COL4A6: variants seen among roughly 807,000 people sequenced by gnomAD.
COL4A6 encodes the protein collagen type IV alpha 6 chain.
COL4A6 carries 59 observed loss-of-function variants against 126.7 expected under a neutral mutation model. The ratio of observed to expected loss-of-function variants is 0.47; its 90% confidence interval spans 0.38 to 0.58. COL4A6 has a LOEUF of 0.58. Ranked by LOEUF, COL4A6 falls within the 20% of genes least tolerant of loss-of-function variation. COL4A6 has a pLI of 0.00. For synonymous variants in COL4A6, 547 were observed against 496.6 expected (o/e 1.10, Z -1.35); for missense variants, 1,285 against 1,337.3 (o/e 0.96, Z 0.61).
At chrX:108,343,177 T>TA (rs2039624765) in intron 2 of COL4A6, among the ~76,000 whole-genome samples, 2 of 97,312 alleles carry the variant, frequency 2.1e-5, no homozygotes, top group African/African-American at 7.7e-5. Flanking sequence ...TGTGTGTGTG[T>TA]GTGTGTGTGT....
At chrX:108,365,725 C>G (rs1355362999) in intron 2 of COL4A6, among the ~76,000 whole-genome samples, 2 of 111,872 alleles carry the variant, frequency 1.8e-5, no homozygotes, top group African/African-American at 6.5e-5. Context: ...AATGCAGAAG[C>G]TGATTCAGTA....
At position 108,346,778 on chromosome X, in the gene COL4A6, A is replaced by G. The variant is rs766948965; in HGVS notation, c.64-35950T>C. Among the ~76,000 whole-genome samples the G allele has an allele frequency of 5.3e-5, 6 of 112,661 alleles. No homozygotes were observed. In the South Asian group the frequency reaches 2.2e-3, roughly 42 times the overall value. ...AAACATTTAAATAAGTGTGAGCTAT[A>G]CATACATTTAAGAAAAGTTAATAAG... On this transcript the variant is annotated intron_variant, in intron 2 of 44. Coordinates refer to ENST00000334504, the MANE Select transcript of COL4A6 (RefSeq NM_033641.4).
intron 2 of COL4A6, among the ~76,000 whole-genome samples, chrX:108,349,113 T>C (rs2039782138): frequency 8.9e-6 from 1 of 111,802 alleles, no homozygotes. Flanking sequence ...AGAGAGCTGA[T>C]TGTTAAATTT....
At chrX:108,237,865 TC>T (rs2148310212) in intron 3 of COL4A6, among the ~76,000 whole-genome samples, 1 of 29,530 alleles carries the variant, frequency 3.4e-5, no homozygotes, top group South Asian at 1.2e-3. Flanking sequence ...CTATCATCTA[TC>T]TATCTATCTA....
At chrX:108,425,627 G>A (rs964609685) in intron 2 of COL4A6, among the ~76,000 whole-genome samples, 1 of 108,413 alleles carries the variant, frequency 9.2e-6, no homozygotes, top group Non-Finnish European at 1.9e-5. Flanking sequence ...CCAGCTACTC[G>A]GGAGGCTGAG....
chrX:108,321,622 C>T (rs949992337), intron 2 of COL4A6, among the ~76,000 whole-genome samples: 1 of 111,004 alleles, frequency 9.0e-6, no homozygotes, highest in Non-Finnish European at 1.9e-5. Flanking sequence ...TCCTGAGTTT[C>T]AGACAGTTGG....
chrX:108,419,263 T>C (rs780319404), intron 2 of COL4A6, among the ~76,000 whole-genome samples: 7 of 112,028 alleles, frequency 6.2e-5, no homozygotes, highest in Admixed American at 9.5e-5. Context: ...CCTGCAATAA[T>C]ACAATATATA....
rs759314157 is a variant in COL4A6, at chrX:108,164,829, C to T, written c.3970+48G>A. On this transcript the variant is annotated intron_variant, in intron 39 of 44. Coordinates refer to ENST00000334504, the MANE Select transcript of COL4A6 (RefSeq NM_033641.4). ...CTTCACAGGACTGCAGGAAGGAGTC[C>T]TGGCCGTGGAGTGGGGAAGGGCCCA... 2.5e-6 allele frequency: 3 copies of T among 1,187,094 alleles called. No homozygotes were observed. In the Admixed American group the frequency reaches 6.7e-5, roughly 27 times the overall value.
chrX:108,251,784 G>A (rs2036855817), intron 3 of COL4A6, among the ~76,000 whole-genome samples: 1 of 111,615 alleles, frequency 9.0e-6, no homozygotes, highest in African/African-American at 3.3e-5. Context: ...ATTCTACAGT[G>A]TATGGTTATG....
chrX:108,188,522 C>A lies in COL4A6; in HGVS notation c.1582G>T (p.Ala528Ser). 9.0e-7 allele frequency: 1 copy of A among 1,109,650 alleles called. No individual in the cohort carries two copies. The highest frequency in any genetic ancestry group is 1.9e-5 in the African/African-American group (1 of 53,341). The allele number at this position is 1,109,650 out of a possible 1,213,427, so 91.4% of individuals were successfully genotyped here. ...CAAAGTTTGGCAAGACTTACTGGAGCCCCTGCTGGGCCCTGTGCACCCCCA... is the reference window on the plus strand; with the variant it reads ...CAAAGTTTGGCAAGACTTACTGGAGACCCTGCTGGGCCCTGTGCACCCCCA... ...GSGGAQGPAGAPGLVGPLGPS... is the reference protein window; with the variant it reads ...GSGGAQGPAGSPGLVGPLGPS... Residue 528 changes from alanine (A) to serine (S), a missense_variant, in exon 21 of 45, where the codon GCT (alanine) becomes TCT (serine). Coordinates refer to ENST00000334504, the MANE Select transcript of COL4A6 (RefSeq NM_033641.4).
chrX:108,389,133 C>T (rs182856116), intron 2 of COL4A6, among the ~76,000 whole-genome samples: 1 of 111,693 alleles, frequency 9.0e-6, no homozygotes, highest in East Asian at 2.8e-4. Context: ...GTTTTACTTC[C>T]AATTATGTAG....
chrX:108,291,438 T>C (rs149342068), intron 3 of COL4A6, among the ~76,000 whole-genome samples: 1 of 112,498 alleles, frequency 8.9e-6, no homozygotes, highest in Non-Finnish European at 1.9e-5. Context: ...GTATTAAACA[T>C]TCTTCCAAGA....
At chrX:108,350,867 G>A (rs1027552810) in intron 2 of COL4A6, among the ~76,000 whole-genome samples, 2 of 111,301 alleles carry the variant, frequency 1.8e-5, no homozygotes, top group Admixed American at 9.6e-5. Flanking sequence ...GGGACAATGC[G>A]GGAAGGTGAT....
intron 3 of COL4A6, among the ~76,000 whole-genome samples, chrX:108,263,379 A>G (rs1315712377): frequency 3.6e-5 from 4 of 111,917 alleles, no homozygotes; most frequent in Non-Finnish European, 7.5e-5. Flanking sequence ...TTAGGGTTGA[A>G]AACTTTTGTC....
intron 40 of COL4A6, chrX:108,163,697 C>T (rs1207985922): frequency 1.8e-5 from 2 of 112,425 alleles, no homozygotes; most frequent in East Asian, 2.8e-4. Flanking sequence ...AAAGGACTAA[C>T]ACAGGGACAC....
chrX:108,358,724 C>G (rs1454320897), intron 2 of COL4A6, among the ~76,000 whole-genome samples: 1 of 112,009 alleles, frequency 8.9e-6, no homozygotes, highest in African/African-American at 3.2e-5. Context: ...TTTTCTCTTC[C>G]CATTCTATTG....
At chrX:108,296,449 C>T (rs922173197) in intron 3 of COL4A6, among the ~76,000 whole-genome samples, 1 of 111,782 alleles carries the variant, frequency 8.9e-6, no homozygotes, top group East Asian at 2.8e-4. Context: ...AGCCTCTAGC[C>T]ACCCACCTCT....
At chrX:108,428,830 G>A (rs2064131294) in intron 2 of COL4A6, among the ~76,000 whole-genome samples, 1 of 111,435 alleles carries the variant, frequency 9.0e-6, no homozygotes, top group East Asian at 2.8e-4. Flanking sequence ...AAACACACAG[G>A]TGGTGTTAAT....
At chrX:108,372,708 T>C (rs1385761441) in intron 2 of COL4A6, among the ~76,000 whole-genome samples, 1 of 111,985 alleles carries the variant, frequency 8.9e-6, no homozygotes, top group Non-Finnish European at 1.9e-5. Flanking sequence ...GGCTAATTTG[T>C]CTAGCAAAAC....
Sources: gnomAD v4.1 joint callset for allele counts (sites outside exome capture counted in the v4.1 genomes callset) on GRCh38, gnomAD v4.1.1 for gene constraint, MANE v1.5 for transcripts, NCBI Gene and HGNC (gene_info 2026-07-23, HGNC 2026-07-21) for gene names.